Variants in MOBP observed in about 807,000 individuals in gnomAD.
MOBP encodes myelin-associated oligodendrocyte basic protein.
MOBP carries 5 observed loss-of-function variants against 15.0 expected under a neutral mutation model. The ratio of observed to expected loss-of-function variants is 0.33; its 90% CI spans 0.17 to 0.70. MOBP has a LOEUF of 0.70. Among genes scored for constraint, MOBP ranks in the 30% least tolerant of loss-of-function variants. The pLI is 0.67. For missense variants in MOBP, 188 were observed against 257.8 expected (o/e 0.73, Z 1.85); for synonymous variants, 88 against 99.0 (o/e 0.89, Z 0.66).
At chr3:39,504,069 G>A (rs1047094635), downstream of MOBP, among the ~76,000 whole-genome samples, 1 of 152,206 alleles carries the variant, frequency 6.6e-6, no homozygotes, top group Non-Finnish European at 1.5e-5. Flanking sequence ...GTGATGTGAG[G>A]TAAAGAAATG....
chr3:39,469,444 T>TTTATTTTAATTGGAATTAATTAAAAC (rs2042437345), intron 1 of MOBP, among the ~76,000 whole-genome samples: 1 of 151,890 alleles, frequency 6.6e-6, no homozygotes, highest in Non-Finnish European at 1.5e-5. Context: ...TTAATTAAAA[T>TTTATTTTAATTGGAATTAATTAAAAC]TAGAAAATTA....
At chr3:39,495,161 C>T (rs555181106) in intron 2 of MOBP, among the ~76,000 whole-genome samples, 86 of 152,260 alleles carry the variant, frequency 5.6e-4, no homozygotes, top group African/African-American at 2.0e-3. Flanking sequence ...TGCAAGCACA[C>T]GTAGAACAAG....
chr3:39,469,369 A>G (rs1177738189), intron 1 of MOBP, among the ~76,000 whole-genome samples: 1 of 90,798 alleles, frequency 1.1e-5, no homozygotes, highest in African/African-American at 6.2e-5. Context: ...ACTAAAATTT[A>G]TTTTAATTGG....
exon 5 of MOBP, chr3:39,524,632 G>T (rs999430556): frequency 6.6e-6 from 1 of 152,178 alleles, no homozygotes; most frequent in East Asian, 1.9e-4. Context: ...GTTGCAATCT[G>T]GGGATACTGG....
intron 1 of MOBP, among the ~76,000 whole-genome samples, chr3:39,469,317 TA>T (rs2042433081): frequency 7.8e-6 from 1 of 128,982 alleles, no homozygotes; most frequent in Admixed American, 8.2e-5. Context: ...CACATATTTA[TA>T]TCTAATTAAT....
rs142834446 is a variant in MOBP at position 39,494,782 on chromosome 3, GC to G, written c.-4-7275del. The stretch of plus-strand genomic sequence containing the variant: ...CTTTATTTCATTTCATATTTTCAAA[GC>G]CCCCCCCCGCCCCCCGAGTTACGTG... On this transcript the variant is annotated intron_variant, in intron 2 of 3. Transcript: ENST00000684792. Among the ~76,000 whole-genome samples, 117 of 85,976 alleles carry G rather than the reference GC, an allele frequency of 1.4e-3. 3 individuals carry two copies. The highest frequency in any genetic ancestry group is 5.6e-3 in the Middle Eastern group (1 of 178). The allele number at this position is 85,976 out of a possible 152,430, so 56.4% of individuals were successfully genotyped here.
chr3:39,487,720 C>T (rs1347572052), intron 2 of MOBP, among the ~76,000 whole-genome samples: 1 of 151,840 alleles, frequency 6.6e-6, no homozygotes, highest in African/African-American at 2.4e-5. Context: ...AGACAGGTTT[C>T]ACCGTGTTAG....
intron 2 of MOBP, among the ~76,000 whole-genome samples, chr3:39,484,651 A>G (rs2042675460): frequency 6.6e-6 from 1 of 152,372 alleles, no homozygotes; most frequent in East Asian, 1.9e-4. Context: ...GAAGGGTATC[A>G]TGTTATTTAC....
At chr3:39,468,415 G>A (rs565128587) in intron 1 of MOBP, among the ~76,000 whole-genome samples, 1 of 152,274 alleles carries the variant, frequency 6.6e-6, no homozygotes, top group African/African-American at 2.4e-5. Flanking sequence ...ACGGGGAAAG[G>A]ACTTTTTAAT....
intron 1 of MOBP, 61 bp downstream of exon 1, chr3:39,467,801 A>G (rs2042364799): frequency 6.6e-6 from 1 of 152,224 alleles, no homozygotes; most frequent in South Asian, 2.1e-4. Context: ...TTAAATGACA[A>G]GTGTACTTTT....
At chr3:39,517,414 G>C (rs2125672819), downstream of MOBP, among the ~76,000 whole-genome samples, 1 of 152,130 alleles carries the variant, frequency 6.6e-6, no homozygotes, top group Middle Eastern at 3.4e-3. Flanking sequence ...AGTACCCTGG[G>C]GTACTTGGAG....
At chr3:39,523,294 T>C (rs1041790954) in intron 3 of MOBP, among the ~76,000 whole-genome samples, 4 of 152,262 alleles carry the variant, frequency 2.6e-5, no homozygotes, top group Non-Finnish European at 4.4e-5. Context: ...TAAGATTTCA[T>C]TGGAGTATAT....
At chr3:39,524,568 G>A (rs866486838) in exon 5 of MOBP, 4 of 152,152 alleles carry the variant, frequency 2.6e-5, no homozygotes, top group Admixed American at 2.6e-4. Flanking sequence ...AAGATGTGGG[G>A]AAAATTCTCA....
chr3:39,501,345 G>A (rs752192463), intron 2 of MOBP, among the ~76,000 whole-genome samples: 8 of 152,148 alleles, frequency 5.3e-5, no homozygotes, highest in Non-Finnish European at 1.0e-4. Flanking sequence ...GTCCCCTGTG[G>A]GCTTCGGTGT....
intron 2 of MOBP, among the ~76,000 whole-genome samples, chr3:39,498,045 C>T (rs1219130085): frequency 2.6e-5 from 4 of 152,164 alleles, no homozygotes; most frequent in Non-Finnish European, 4.4e-5. Flanking sequence ...GGTTAGGTTA[C>T]GGTTTACTAT....
rs761224984 is a variant in MOBP, at chr3:39,502,053, C to T, written c.-4-13C>T. ...TATGTCTCCTCCTGTCTCCTTGCAT[C>T]GGCGATTTCCAGTGAGATGAGTCAG... On this transcript the variant is annotated splice_polypyrimidine_tract_variant and intron_variant, in intron 2 of 3. Transcript: ENST00000684792. This position sits in a 1 kb window ranked among gnomAD's most constrained non-coding sequence, Gnocchi z 6.3. 3.1e-6 allele frequency: 5 copies of T among 1,611,496 alleles called. No homozygotes were observed. The highest frequency in any genetic ancestry group is 4.2e-6 in the Non-Finnish European group (5 of 1,178,328).
At chr3:39,481,513 A>G (rs1156622094) in intron 2 of MOBP, among the ~76,000 whole-genome samples, 2 of 152,086 alleles carry the variant, frequency 1.3e-5, no homozygotes, top group East Asian at 3.8e-4. Flanking sequence ...TCTACTTCCT[A>G]TTAGCACTTA....
chr3:39,481,408 C>T (rs557046707), intron 2 of MOBP, among the ~76,000 whole-genome samples: 2 of 152,190 alleles, frequency 1.3e-5, no homozygotes, highest in Non-Finnish European at 2.9e-5. Flanking sequence ...AAAGACCAAC[C>T]ATTTTGCATG....
chr3:39,502,939 C>T lies in MOBP; in HGVS notation c.*59C>T. ...GGTTAGTAGTTGCTTCCTGTGTTTA[C>T]TAACACCGGGCTGTCTCCATGGCCC... On this transcript the variant is annotated 3_prime_UTR_variant, in exon 4 of 4. Coordinates refer to ENST00000684792, the MANE Select transcript of MOBP (RefSeq NM_001393704.1). This position sits in a 1 kb window ranked among gnomAD's most constrained non-coding sequence, Gnocchi z 6.3. The T allele has an allele frequency of 2.5e-6, 2 of 787,796 alleles. No individual in the cohort carries two copies. The highest frequency in any genetic ancestry group is 1.8e-5 in the South Asian group (1 of 55,168). The allele number at this position is 787,796 out of a possible 1,614,324, so 48.8% of individuals were successfully genotyped here. A position where few individuals can be genotyped will look rare whatever the true frequency, so the allele number is the denominator to read the frequency against.
Sources: allele counts gnomAD v4.1 joint callset (sites outside exome capture counted in the v4.1 genomes callset), GRCh38; gene constraint gnomAD v4.1.1; non-coding constraint Gnocchi (gnomAD v3.1); transcripts MANE v1.5; gene names NCBI Gene and HGNC (gene_info 2026-07-23, HGNC 2026-07-21).